The following NSUN2 variants were observed in gnomAD, a reference collection of about 807,000 sequenced individuals.
NSUN2 encodes the protein NOP2/Sun RNA methyltransferase 2.
Under a neutral mutation model 92.7 loss-of-function variants are expected in NSUN2, and 63 were observed. The observed-to-expected ratio is 0.68, with a 90% CI of 0.56 to 0.84. The LOEUF (loss-of-function observed/expected upper bound fraction) is 0.84, where lower values mean the gene tolerates loss of function less well. Among genes scored for constraint, NSUN2 ranks in the 40% least tolerant of loss-of-function variants. The probability of loss-of-function intolerance (pLI) is 0.00; values close to 1 mark genes in which losing one functional copy is unlikely to be tolerated. For missense variants in NSUN2, 989 were observed against 964.9 expected, an observed-to-expected ratio of 1.02 and a Z score of -0.33; for synonymous variants, 356 against 348.3, an observed-to-expected ratio of 1.02 and a Z score of -0.25.
At chr5:6,625,271 G>A (rs1003503000) in intron 4 of NSUN2, among the ~76,000 whole-genome samples, 3 of 152,282 alleles carry the variant, frequency 2.0e-5, no homozygotes, top group Middle Eastern at 6.8e-3. Flanking sequence ...AAGGAAATGA[G>A]AGTGCAGTGC....
chr5:6,619,159 C>T (rs912242613), intron 7 of NSUN2, among the ~76,000 whole-genome samples: 4 of 152,012 alleles, frequency 2.6e-5, no homozygotes, highest in African/African-American at 9.7e-5. Context: ...TGAAAAATTG[C>T]AACCTAGAGG....
Position 6,602,454 on chromosome 5 carries a change from G to C in NSUN2, c.1997+7C>G. 1 of 1,613,584 alleles carries C rather than the reference G, an allele frequency of 6.2e-7. No homozygotes were observed. Among genetic ancestry groups the C allele is most frequent in the Non-Finnish European group, 8.5e-7 (1 of 1,179,738 alleles). On this transcript the variant is annotated splice_region_variant and intron_variant, in intron 18 of 18. Coordinates refer to ENST00000264670, the MANE Select transcript of NSUN2 (RefSeq NM_017755.6). ...TGTGTCTAAGGGCAGGGCGTGTACT[G>C]ACTTACGCAGAATCTGGTTCATACT...
In NSUN2 at chr5:6,606,697, TA is replaced by T. The variant is rs3996725; in HGVS notation, c.1601+122del. 0.057 allele frequency: 26,468 copies of T among 467,230 alleles called. 353 individuals are homozygous for T. Among genetic ancestry groups the T allele is most frequent in the African/African-American group, 0.13 (6,407 of 47,854 alleles). 28.9% of individuals were successfully genotyped at this position (467,230 alleles called of 1,614,324 possible). Reference sequence around the variant, plus strand: ...TGCTCTAATATGCAGTTAAAAAGGTTAAAAAAAAAAAAAAAGCTAGACAGAA... The same window carrying T: ...TGCTCTAATATGCAGTTAAAAAGGTTAAAAAAAAAAAAAAGCTAGACAGAA... On this transcript the variant is annotated intron_variant, in intron 14 of 18. Coordinates refer to ENST00000264670, the MANE Select transcript of NSUN2 (RefSeq NM_017755.6).
At chr5:6,618,687 C>T (rs1579370914) in intron 7 of NSUN2, among the ~76,000 whole-genome samples, 1 of 152,190 alleles carries the variant, frequency 6.6e-6, no homozygotes, top group East Asian at 1.9e-4. Flanking sequence ...CTTACAATCA[C>T]CGTTAAATTT....
intron 9 of NSUN2, among the ~76,000 whole-genome samples, chr5:6,615,113 G>A (rs1007330507): frequency 2.6e-5 from 4 of 152,096 alleles, no homozygotes; most frequent in Admixed American, 2.0e-4. Context: ...GCTGCTCACC[G>A]AGAAACCGGG....
intron 2 of NSUN2, 108 bp from the exon 3 acceptor site, chr5:6,632,085 C>A: frequency 1.2e-6 from 1 of 816,674 alleles, no homozygotes; most frequent in Non-Finnish European, 2.0e-6. Context: ...CCAACTTTTG[C>A]ATGGAGAGTA....
chr5:6,614,466 C>T (rs1469521533), intron 9 of NSUN2, among the ~76,000 whole-genome samples: 2 of 152,160 alleles, frequency 1.3e-5, no homozygotes, highest in Non-Finnish European at 2.9e-5. Context: ...TCTTAACTTT[C>T]GAACATGGTG....
Position 6,632,953 on chromosome 5 carries a change from C to T in NSUN2, c.27G>A (p.Arg9=), listed in dbSNP as rs753038771. 4.0e-6 allele frequency: 6 copies of T among 1,497,228 alleles called. No individual in the cohort carries two copies. The South Asian group carries it at 6.3e-5, about 16-fold the overall frequency. 92.7% of individuals were successfully genotyped at this position (1,497,228 alleles called of 1,614,324 possible). Residue 9 remains arginine (R), a synonymous_variant, in exon 1 of 19, where the codon CGG becomes CGA. Transcript: ENST00000264670. The part of the protein sequence containing the change: MGRRSRGR[R]LQQQQRPEDA... ...CCTCCGGCCGCTGCTGTTGCTGGAG[C>T]CGCCGACCCCGCGACCGCCGCCCCA...
intron 11 of NSUN2, among the ~76,000 whole-genome samples, chr5:6,610,401 C>G (rs1736939207): frequency 6.6e-6 from 1 of 151,542 alleles, no homozygotes; most frequent in Non-Finnish European, 1.5e-5. Context: ...TTAAAAAGTT[C>G]ATGACGGCTG....
intron 16 of NSUN2, 150 bp downstream of exon 16, chr5:6,604,455 G>A: frequency 1.1e-6 from 1 of 895,534 alleles, no homozygotes; most frequent in Non-Finnish European, 1.7e-6. Context: ...CACTCTGGGA[G>A]AGCTCTATAA....
intron 5 of NSUN2, 85 bp downstream of exon 5, chr5:6,623,129 A>G: frequency 1.8e-6 from 2 of 1,138,870 alleles, no homozygotes; most frequent in Middle Eastern, 2.9e-4. Flanking sequence ...TAATTATATT[A>G]AGAAAAAATG....
At chr5:6,625,425 G>A (rs1579377858) in intron 4 of NSUN2, 139 bp downstream of exon 4, 2 of 623,768 alleles carry the variant, frequency 3.2e-6, no homozygotes, top group Non-Finnish European at 5.7e-6. Context: ...ATCACAGGTG[G>A]TGCACACACT....
At chr5:6,613,433 T>C (rs543372372) in intron 9 of NSUN2, among the ~76,000 whole-genome samples, 2 of 152,316 alleles carry the variant, frequency 1.3e-5, no homozygotes, top group African/African-American at 4.8e-5. Flanking sequence ...AAATCTCCTA[T>C]GTGGAGGCAG....
At position 6,604,614 on chromosome 5, in the gene NSUN2, C is replaced by T. The variant is rs774150623; in HGVS notation, c.1809G>A (p.Leu603=). The T allele has an allele frequency of 3.1e-6, 5 of 1,613,924 alleles. No individual in the cohort carries two copies. The highest frequency in any genetic ancestry group is 1.7e-5 in the Admixed American group (1 of 59,998). ...CCACTTCCAAAATTACCTCCTGTGC[C>T]AGCCGGAAAGCACAGTCAAACTCTT... The part of the protein sequence containing the change: ...SGEEFDCAFR[L]AQEGIYTLYP... Residue 603 remains leucine (L), a synonymous_variant, in exon 16 of 19, where the codon CTG becomes CTA. Coordinates refer to ENST00000264670, the MANE Select transcript of NSUN2 (RefSeq NM_017755.6).
chr5:6,602,679 A>C (rs1297280435), intron 17 of NSUN2, among the ~76,000 whole-genome samples, 179 bp from the exon 18 acceptor site: 1 of 152,230 alleles, frequency 6.6e-6, no homozygotes, highest in Admixed American at 6.5e-5. Flanking sequence ...ACATGAACCA[A>C]GTCCAAATGA....
At chr5:6,623,185 C>T in intron 5 of NSUN2, 29 bp downstream of exon 5, 6 of 1,569,322 alleles carry the variant, frequency 3.8e-6, no homozygotes, top group Non-Finnish European at 5.2e-6. Flanking sequence ...AAGCTGCCCG[C>T]CCCCACGTTT....
intron 5 of NSUN2, among the ~76,000 whole-genome samples, chr5:6,622,816 C>T (rs1475578267): frequency 6.9e-6 from 1 of 145,720 alleles, no homozygotes; most frequent in African/African-American, 2.5e-5. Context: ...CACTGCACTC[C>T]AGCCTGGACA....
At chr5:6,630,851 T>C (rs1161897303) in intron 3 of NSUN2, among the ~76,000 whole-genome samples, 2 of 152,090 alleles carry the variant, frequency 1.3e-5, no homozygotes, top group African/African-American at 4.8e-5. Context: ...TCCCAGCACT[T>C]TGGGAGGCCG....
intron 9 of NSUN2, among the ~76,000 whole-genome samples, 169 bp from the exon 10 acceptor site, chr5:6,611,967 A>G (rs1737011484): frequency 6.6e-6 from 1 of 152,158 alleles, no homozygotes; most frequent in African/African-American, 2.4e-5. Flanking sequence ...GACGGGGTGG[A>G]TGAGTGGCCG....
Sources: gnomAD v4.1 joint callset for allele counts (sites outside exome capture counted in the v4.1 genomes callset) on GRCh38, gnomAD v4.1.1 for gene constraint, MANE v1.5 for transcripts, NCBI Gene and HGNC (gene_info 2026-07-23, HGNC 2026-07-21) for gene names.